PDE4D: variants seen among roughly 807,000 people sequenced by gnomAD.
The protein encoded by PDE4D is phosphodiesterase 4D, also known as 3',5'-cyclic-AMP phosphodiesterase 4D.
A neutral mutation model predicts 87.4 loss-of-function variants in PDE4D; 24 were observed. That is an observed-to-expected ratio of 0.27 (90% CI 0.20 to 0.39). PDE4D has a LOEUF of 0.39. Ranked by LOEUF, PDE4D falls within the 10% of genes least tolerant of loss-of-function variation. The pLI, the probability that PDE4D is intolerant of heterozygous loss-of-function variation, is 1.00. For synonymous variants in PDE4D, 384 were observed against 383.2 expected, an observed-to-expected ratio of 1.00 and a Z score of -0.02; for missense variants, 714 against 1,041.0, an observed-to-expected ratio of 0.69 and a Z score of 4.32.
intron 1 of PDE4D, among the ~76,000 whole-genome samples, chr5:60,449,991 G>A (rs1745966315): frequency 6.7e-6 from 1 of 150,012 alleles, no homozygotes; most frequent in Non-Finnish European, 1.5e-5. Context: ...ATGTATACAT[G>A]TGTTAAAATA....
Position 60,369,469 on chromosome 5 carries a change from C to T in PDE4D, c.-90+118473G>A, listed in dbSNP as rs147552337. 1.9e-3 allele frequency among the ~76,000 whole-genome samples: 286 copies of T among 152,266 alleles called. 1 individual carries two copies. Among genetic ancestry groups the T allele is most frequent in the African/African-American group, 6.6e-3 (276 of 41,542 alleles). ...CCTCTTCAATACCCAATAACTCCCA[C>T]AGCTAGGAACAGAGTGCACAGGACA... On this transcript the variant is annotated intron_variant, in intron 1 of 16. Transcript: ENST00000502484.
Position 60,435,350 on chromosome 5 carries a change from C to T in PDE4D, c.-90+52592G>A, listed in dbSNP as rs116258058. 2.5e-3 allele frequency among the ~76,000 whole-genome samples: 385 copies of T among 152,198 alleles called. 2 individuals are homozygous for T. Among genetic ancestry groups the T allele is most frequent in the African/African-American group, 9.0e-3 (373 of 41,574 alleles). On this transcript the variant is annotated intron_variant, in intron 1 of 16. Transcript: ENST00000502484. ...TTTTCTAAAGTACCTGCTTGATAGA[C>T]ACAACTTAACATATAACTTAAATGT... is the stretch of plus-strand genomic sequence containing the variant.
chr5:59,397,562 C>T (rs1389463812), intron 1 of PDE4D, among the ~76,000 whole-genome samples: 1 of 112,858 alleles, frequency 8.9e-6, no homozygotes, highest in Non-Finnish European at 1.9e-5. Flanking sequence ...ACCAGAATCT[C>T]TGGGACGCAT....
chr5:60,344,433 G>T (rs1583479119), intron 1 of PDE4D, among the ~76,000 whole-genome samples: 1 of 151,882 alleles, frequency 6.6e-6, no homozygotes, highest in East Asian at 1.9e-4. Flanking sequence ...CCTTAACTAG[G>T]TATCAATCTC....
intron 1 of PDE4D, among the ~76,000 whole-genome samples, chr5:59,339,430 C>T (rs1778312971): frequency 6.6e-6 from 1 of 152,096 alleles, no homozygotes; most frequent in Non-Finnish European, 1.5e-5. Context: ...TGATAAATGG[C>T]ATATAGATGC....
intron 2 of PDE4D, among the ~76,000 whole-genome samples, chr5:60,126,092 G>A (rs1179337954): frequency 6.6e-6 from 1 of 151,820 alleles, no homozygotes; most frequent in Non-Finnish European, 1.5e-5. Context: ...AAGATTTGGT[G>A]CTCAATTTAA....
chr5:60,087,724 A>T (rs909873523), intron 2 of PDE4D, among the ~76,000 whole-genome samples: 15 of 152,090 alleles, frequency 9.9e-5, no homozygotes, highest in Admixed American at 6.5e-5. Flanking sequence ...AAAAGAATTT[A>T]AAAAAAGAGT....
chr5:59,961,303 A>T (rs1279076555), intron 3 of PDE4D, among the ~76,000 whole-genome samples: 4 of 78,722 alleles, frequency 5.1e-5, no homozygotes, highest in South Asian at 3.8e-4. Flanking sequence ...GACCCAGATT[A>T]AAAAAAAAAA....
rs1188004671 is a variant in PDE4D at position 59,886,935 on chromosome 5, G to C, written c.455+6233C>G. 3.3e-5 allele frequency among the ~76,000 whole-genome samples: 5 copies of C among 151,974 alleles called. No homozygotes were observed. In the East Asian group the frequency reaches 9.6e-4, roughly 29 times the overall value. On this transcript the variant is annotated intron_variant, in intron 1 of 14. Transcript: ENST00000340635. ...GTAGCCTGGGGTGAAAAAAAAAAAG[G>C]AACAACAGGAATGAGGAGAGGTTGG...
At position 59,985,124 on chromosome 5, in the gene PDE4D, G is replaced by GTTTTTTTTTTTT. The variant is rs762506771; in HGVS notation, c.272+3363_272+3364insAAAAAAAAAAAA. On this transcript the variant is annotated intron_variant, in intron 3 of 16. Transcript: ENST00000502484. ...AATATAAGCCCGAACTTCACCTTTC[G>GTTTTTTTTTTTT]TTTTTTGTTTTTTGTTTTTTGTTTT... Among the ~76,000 whole-genome samples, 363 of 111,272 alleles carry GTTTTTTTTTTTT rather than the reference G, an allele frequency of 3.3e-3. 101 individuals carry two copies. The highest frequency in any genetic ancestry group is 0.029 in the East Asian group (78 of 2,656). The allele number at this position is 111,272 out of a possible 152,430, so 73.0% of individuals were successfully genotyped here.
chr5:59,066,978 C>A (rs1163741394), intron 5 of PDE4D, among the ~76,000 whole-genome samples: 2 of 147,028 alleles, frequency 1.4e-5, no homozygotes, highest in Non-Finnish European at 3.0e-5. Flanking sequence ...TATAAGCCAC[C>A]CAGCTCGTGA....
chr5:59,513,599 T>G (rs1026376764), intron 1 of PDE4D, among the ~76,000 whole-genome samples: 7 of 152,198 alleles, frequency 4.6e-5, no homozygotes, highest in Non-Finnish European at 1.0e-4. Flanking sequence ...TAATGTCTCC[T>G]GTATTTTCTT....
At chr5:60,292,373 C>T (rs996791791) in intron 1 of PDE4D, among the ~76,000 whole-genome samples, 1 of 152,114 alleles carries the variant, frequency 6.6e-6, no homozygotes, top group African/African-American at 2.4e-5. Context: ...CCAAACATTT[C>T]GAGACATCAA....
intron 1 of PDE4D, among the ~76,000 whole-genome samples, chr5:59,743,051 A>T (rs1353531843): frequency 6.6e-6 from 1 of 152,204 alleles, no homozygotes; most frequent in African/African-American, 2.4e-5. Context: ...GAACTCAATA[A>T]CAAAGCCTAC....
chr5:59,629,834 T>C (rs930283314), intron 1 of PDE4D, among the ~76,000 whole-genome samples: 2 of 152,236 alleles, frequency 1.3e-5, no homozygotes, highest in Non-Finnish European at 1.5e-5. Context: ...ATAATTTGCC[T>C]GAGGAAATAT....
At chr5:59,588,651 G>A (rs1459126981) in intron 1 of PDE4D, among the ~76,000 whole-genome samples, 15 of 152,118 alleles carry the variant, frequency 9.9e-5, no homozygotes, top group Non-Finnish European at 1.3e-4. Flanking sequence ...ACCATAATTT[G>A]GAGAATTTTC....
intron 5 of PDE4D, among the ~76,000 whole-genome samples, chr5:59,056,584 G>A (rs981253243): frequency 6.6e-6 from 1 of 152,086 alleles, no homozygotes; most frequent in African/African-American, 2.4e-5. Flanking sequence ...TTGTACTAAT[G>A]TTCTTCCTCC....
intron 5 of PDE4D, among the ~76,000 whole-genome samples, chr5:59,083,154 T>A (rs73093348): frequency 0.03 from 4,632 of 152,132 alleles, 203 homozygotes; most frequent in African/African-American, 0.097. Context: ...TGGGTTCTAG[T>A]TCTTCTTCCT....
chr5:60,042,800 A>G (rs1382863495), intron 2 of PDE4D, among the ~76,000 whole-genome samples: 1 of 152,180 alleles, frequency 6.6e-6, no homozygotes, highest in African/African-American at 2.4e-5. Flanking sequence ...AGGGTCACCA[A>G]CATCAAAGAC....
Sources: allele counts gnomAD v4.1 joint callset (sites outside exome capture counted in the v4.1 genomes callset), GRCh38; gene constraint gnomAD v4.1.1; transcripts MANE v1.5; gene names NCBI Gene and HGNC (gene_info 2026-07-23, HGNC 2026-07-21).